The following CDC42BPB variants were observed in gnomAD, a reference collection of about 807,000 sequenced individuals.
The protein encoded by CDC42BPB is CDC42 binding protein kinase beta, also known as serine/threonine-protein kinase MRCK beta.
A neutral mutation model predicts 214.9 loss-of-function variants in CDC42BPB; 37 were observed. The observed-to-expected ratio is 0.17, with a 90% confidence interval of 0.13 to 0.23. CDC42BPB has a LOEUF of 0.23. Among genes scored for constraint, CDC42BPB ranks in the 10% least tolerant of loss-of-function variants. The pLI, the probability that CDC42BPB is intolerant of heterozygous loss-of-function variation, is 1.00. For missense variants in CDC42BPB, 1,694 were observed against 2,227.0 expected (o/e 0.76, Z 4.82); for synonymous variants, 931 against 884.0 (o/e 1.05, Z -0.94).
chr14:103,029,006 A>T (rs1406003540), intron 1 of CDC42BPB, among the ~76,000 whole-genome samples: 1 of 152,224 alleles, frequency 6.6e-6, no homozygotes, highest in African/African-American at 2.4e-5. Context: ...GAATTATCTG[A>T]GTCCAACTGC....
chr14:102,997,569 G>A (rs1001814913), intron 5 of CDC42BPB, among the ~76,000 whole-genome samples: 8 of 152,186 alleles, frequency 5.3e-5, no homozygotes, highest in Admixed American at 1.3e-4. Flanking sequence ...GGAGGGGAAC[G>A]ATGGAAGGGA....
In CDC42BPB at chr14:102,932,457, C is replaced by T. The variant is rs1566831823; in HGVS notation, c.*1255G>A. The T allele has an allele frequency of 6.6e-6, 1 of 152,378 alleles. No individual in the cohort carries two copies. The highest frequency in any genetic ancestry group is 1.5e-5 in the Non-Finnish European group (1 of 68,042). The allele number at this position is 152,378 out of a possible 1,614,324, so 9.4% of individuals were successfully genotyped here. A position where few individuals can be genotyped will look rare whatever the true frequency, so the allele number is the denominator to read the frequency against. On this transcript the variant is annotated 3_prime_UTR_variant, in exon 37 of 37. Transcript: ENST00000361246. ...GTTCTCACAATTCAATAATTAATTACAAAGACTGAGACTTACATTAAAAAA... is the reference window on the plus strand; with the variant it reads ...GTTCTCACAATTCAATAATTAATTATAAAGACTGAGACTTACATTAAAAAA...
chr14:102,949,411 C>T (rs1290370997), intron 26 of CDC42BPB, among the ~76,000 whole-genome samples: 4 of 152,080 alleles, frequency 2.6e-5, no homozygotes, highest in African/African-American at 4.8e-5. Context: ...AACGCACAGA[C>T]GGCTGTGGGC....
rs889252226 is a variant in CDC42BPB at position 103,039,958 on chromosome 14, T to C, written c.175+17041A>G. Among the ~76,000 whole-genome samples, 5 of 152,154 alleles carry C rather than the reference T, an allele frequency of 3.3e-5. No homozygotes were observed. In the South Asian group the frequency reaches 8.3e-4, roughly 25 times the overall value. ...GCAATTTTGCAGGATAAAAGATCAA[T>C]ATATAAAAATCAATTTACCTCAGGA... is the stretch of plus-strand genomic sequence containing the variant. On this transcript the variant is annotated intron_variant, in intron 1 of 36. Coordinates refer to ENST00000361246, the MANE Select transcript of CDC42BPB (RefSeq NM_006035.4).
At chr14:102,985,623 C>G (rs1382040683) in intron 6 of CDC42BPB, among the ~76,000 whole-genome samples, 2 of 152,234 alleles carry the variant, frequency 1.3e-5, no homozygotes, top group Non-Finnish European at 2.9e-5. Flanking sequence ...TCTTATAAAA[C>G]GCTGTCAACT....
intron 36 of CDC42BPB, among the ~76,000 whole-genome samples, chr14:102,935,937 G>A (rs979016838): frequency 6.6e-6 from 1 of 152,108 alleles, no homozygotes; most frequent in Non-Finnish European, 1.5e-5. Flanking sequence ...TTCAAAAATG[G>A]GTAAAGGCCT....
Position 103,004,607 on chromosome 14 carries a change from C to T in CDC42BPB, c.352-584G>A, listed in dbSNP as rs556520479. Among the ~76,000 whole-genome samples, 4 of 152,180 alleles carry T rather than the reference C, an allele frequency of 2.6e-5. No homozygotes were observed. Among genetic ancestry groups the T allele is most frequent in the East Asian group, 1.9e-4 (1 of 5,190 alleles). On this transcript the variant is annotated intron_variant, in intron 3 of 36. Transcript: ENST00000361246. This position sits in a 1 kb window ranked among gnomAD's most constrained non-coding sequence, Gnocchi z 5.3. ...AGTTTTAATGCCCAGGTGGCATCTC[C>T]GTTTAAAAGTCACCAGGCCTGGCCG...
At chr14:102,984,213 T>TC (rs1471972613) in intron 6 of CDC42BPB, among the ~76,000 whole-genome samples, 1 of 152,170 alleles carries the variant, frequency 6.6e-6, no homozygotes, top group African/African-American at 2.4e-5. Context: ...GGTTGGCATT[T>TC]CCCACTCTCT....
intron 24 of CDC42BPB, among the ~76,000 whole-genome samples, chr14:102,951,826 C>T (rs951979678): frequency 1.1e-4 from 17 of 152,244 alleles, no homozygotes; most frequent in Admixed American, 4.6e-4. Context: ...ATACGAATGA[C>T]GACCAGAAGC....
chr14:102,954,251 G>A lies in CDC42BPB; in HGVS notation c.3013C>T (p.Pro1005Ser). ...GTGGTGGGCAACGGCACAGCGGATG[G>A]CCTCTGCGGGGGCCGAGCCATGTCC... ...QEDMARPPQR[P>S]SAVPLPTTQA... is the part of the protein sequence containing the mutation. The change falls in exon 23 of 37, where the codon CCA (proline) becomes TCA (serine). Residue 1005 changes from proline (P) to serine (S), a missense_variant. Pro to Ser is a moderately conservative substitution (Grantham distance 74). Around this residue, in one of 7 missense-constraint regions of CDC42BPB, gnomAD observed 156 missense variants for 154.5 expected, o/e 1.01. Transcript: ENST00000361246. The A allele has an allele frequency of 6.5e-7, 1 of 1,539,104 alleles. No individual in the cohort carries two copies. The highest frequency in any genetic ancestry group is 8.7e-7 in the Non-Finnish European group (1 of 1,143,992).
rs1322744801 is a variant in CDC42BPB at position 102,943,676 on chromosome 14, AG to A, written c.4408+214del. The A allele has an allele frequency of 9.0e-6, 5 of 555,042 alleles. No individual in the cohort carries two copies. In the Admixed American group the frequency reaches 1.3e-4, roughly 15 times the overall value. The allele number at this position is 555,042 out of a possible 1,614,324, so 34.4% of individuals were successfully genotyped here. A position where few individuals can be genotyped will look rare whatever the true frequency, so the allele number is the denominator to read the frequency against. ...CTGGAAGAACCGGCCCCATGTGCTC[AG>A]GGAGAGAGGTTGCTGAGCCCGCCTA... is the stretch of plus-strand genomic sequence containing the variant. On this transcript the variant is annotated intron_variant, in intron 30 of 36. Transcript: ENST00000361246. This position sits in a 1 kb window ranked among gnomAD's most constrained non-coding sequence, Gnocchi z 4.6.
chr14:103,044,788 G>A (rs1307837626), intron 1 of CDC42BPB, among the ~76,000 whole-genome samples: 1 of 151,540 alleles, frequency 6.6e-6, no homozygotes, highest in Non-Finnish European at 1.5e-5. Context: ...TGGGATTGCA[G>A]GCGTGAGCCA....
intron 11 of CDC42BPB, among the ~76,000 whole-genome samples, chr14:102,974,725 A>C (rs1338065934): frequency 2.0e-5 from 3 of 152,222 alleles, no homozygotes; most frequent in Non-Finnish European, 4.4e-5. Context: ...CGGGAGGCCA[A>C]GGCAGGCGGA....
intron 1 of CDC42BPB, among the ~76,000 whole-genome samples, chr14:103,055,979 T>C (rs1888924496): frequency 1.3e-5 from 2 of 152,182 alleles, no homozygotes. Flanking sequence ...TCCTACTCAG[T>C]GGTTTTAGGT....
chr14:103,013,984 T>C (rs1886310709), intron 1 of CDC42BPB, among the ~76,000 whole-genome samples: 2 of 151,926 alleles, frequency 1.3e-5, no homozygotes, highest in Admixed American at 1.3e-4. Flanking sequence ...GCTAACACGG[T>C]GAAACCCTGT....
At chr14:102,999,784 G>C in intron 4 of CDC42BPB, 71 bp from the exon 5 acceptor site, 1 of 1,578,434 alleles carries the variant, frequency 6.3e-7, no homozygotes, top group Non-Finnish European at 8.6e-7. Flanking sequence ...TTACAGGCCA[G>C]TCTTCCATGG....
intron 1 of CDC42BPB, among the ~76,000 whole-genome samples, chr14:103,034,864 G>A (rs1301424630): frequency 2.6e-5 from 4 of 151,212 alleles, no homozygotes; most frequent in Admixed American, 6.6e-5. Flanking sequence ...AGGGGACTAT[G>A]AAATGGATAC....
intron 36 of CDC42BPB, 24 bp downstream of exon 36, chr14:102,938,080 G>A (rs1345222294): frequency 1.2e-6 from 2 of 1,611,892 alleles, no homozygotes; most frequent in Non-Finnish European, 8.5e-7. Context: ...CATAGCCTCA[G>A]CACTGGACCT....
chr14:103,036,873 G>A (rs1887693418), intron 1 of CDC42BPB, among the ~76,000 whole-genome samples: 1 of 152,152 alleles, frequency 6.6e-6, no homozygotes, highest in African/African-American at 2.4e-5. Flanking sequence ...CTGCAGTACA[G>A]TGGCACAATC....
Sources: allele counts gnomAD v4.1 joint callset (sites outside exome capture counted in the v4.1 genomes callset), GRCh38; gene constraint gnomAD v4.1.1; regional missense constraint gnomAD v4.1.1; non-coding constraint Gnocchi (gnomAD v3.1); transcripts MANE v1.5; gene names NCBI Gene and HGNC (gene_info 2026-07-23, HGNC 2026-07-21).